PXK: variants seen among roughly 807,000 people sequenced by gnomAD.
PXK encodes the protein PX domain containing serine/threonine kinase like.
PXK carries 35 observed loss-of-function variants against 84.7 expected under a neutral mutation model. The ratio of observed to expected loss-of-function variants is 0.41; its 90% confidence interval spans 0.32 to 0.55. The LOEUF is 0.55. Ranked by LOEUF, PXK falls within the 20% of genes least tolerant of loss-of-function variation. The pLI is 0.21. For synonymous variants in PXK, 253 were observed against 260.8 expected (o/e 0.97, Z 0.29); for missense variants, 634 against 699.7 (o/e 0.91, Z 1.06).
rs1316772009 is a variant in PXK at position 58,424,988 on chromosome 3, A to G, written c.*28A>G. 5.6e-6 allele frequency: 9 copies of G among 1,612,196 alleles called. No individual in the cohort carries two copies. The African/African-American group carries it at 9.4e-5, about 17-fold the overall frequency. ...CTTCCTGTTTACACTTGGAGGGAAA[A>G]GTTCTTTTTTATTCCTACTCACCCC... On this transcript the variant is annotated 3_prime_UTR_variant, in exon 18 of 18. Coordinates refer to ENST00000356151, the MANE Select transcript of PXK (RefSeq NM_017771.5).
intron 7 of PXK, among the ~76,000 whole-genome samples, chr3:58,393,958 T>C (rs2098656519): frequency 6.6e-6 from 1 of 152,202 alleles, no homozygotes; most frequent in African/African-American, 2.4e-5. Context: ...GTGATGAAAA[T>C]GTTCTATAAT....
At chr3:58,403,152 G>A (rs956975459) in intron 12 of PXK, among the ~76,000 whole-genome samples, 3 of 151,976 alleles carry the variant, frequency 2.0e-5, no homozygotes, top group East Asian at 1.9e-4. Flanking sequence ...CAATAGGCAC[G>A]CACCACCACA....
Position 58,368,382 on chromosome 3 carries a change from GA to G in PXK, c.154-1048del, listed in dbSNP as rs202192113. Among the ~76,000 whole-genome samples, 433 of 152,264 alleles carry G rather than the reference GA, an allele frequency of 2.8e-3. 1 individual carries two copies. Among genetic ancestry groups the G allele is most frequent in the African/African-American group, 0.01 (420 of 41,570 alleles). ...CTGTTGCCCGGGCTGGAATGCAGTG[GA>G]GCGATCTCTGCTCACTGCAATCTCT... On this transcript the variant is annotated intron_variant, in intron 2 of 17. Transcript: ENST00000356151.
In PXK at chr3:58,333,677, C is replaced by T; in HGVS notation, c.102+587C>T. ...AGTGGTGGGGGCGGCAGTCGGGGCG[C>T]TGTTAAGCAGGTGTATGAATGTGCT... is the stretch of plus-strand genomic sequence containing the variant. On this transcript the variant is annotated intron_variant, in intron 1 of 17. Transcript: ENST00000356151. The surrounding 1 kb of genome is among the most constrained non-coding windows in gnomAD (Gnocchi z 5.4). 1 of 456,376 alleles carries T rather than the reference C, an allele frequency of 2.2e-6. No individual in the cohort carries two copies. The highest frequency in any genetic ancestry group is 4.4e-6 in the Non-Finnish European group (1 of 226,844). The allele number at this position is 456,376 out of a possible 1,614,324, so 28.3% of individuals were successfully genotyped here.
chr3:58,418,378 A>T (rs957822033), intron 17 of PXK, among the ~76,000 whole-genome samples: 8 of 152,184 alleles, frequency 5.3e-5, no homozygotes, highest in African/African-American at 1.9e-4. Context: ...CCGAGGTCAC[A>T]CAAGTTAGGG....
rs781404327 is a variant in PXK at position 58,412,945 on chromosome 3, A to G, written c.1510A>G (p.Thr504Ala). 3 of 1,613,732 alleles carry G rather than the reference A, an allele frequency of 1.9e-6. No individual in the cohort carries two copies. Among genetic ancestry groups the G allele is most frequent in the African/African-American group, 2.7e-5 (2 of 74,800 alleles). Residue 504 changes from threonine to alanine, a missense_variant, in exon 17 of 18, where the codon ACT becomes GCT. This residue lies in a region of PXK where 273 missense variants were observed against 283.6 expected (regional missense o/e 0.96). Transcript: ENST00000356151. This position sits in a 1 kb window ranked among gnomAD's most constrained non-coding sequence, Gnocchi z 6.2. ...SSPLTSPSSP[T>A]PPSTSGISAL... ...ACCTCTCACGTCCCCGTCATCGCCA[A>G]CTCCACCCTCTACATCAGGTTAGTG...
Position 58,333,326 on chromosome 3 carries a change from G to A in PXK, c.102+236G>A. The A allele has an allele frequency of 3.3e-6, 1 of 299,786 alleles. No homozygotes were observed. Among genetic ancestry groups the A allele is most frequent in the Non-Finnish European group, 6.7e-6 (1 of 149,194 alleles). 18.6% of individuals were successfully genotyped at this position (299,786 alleles called of 1,614,324 possible). On this transcript the variant is annotated intron_variant, in intron 1 of 17. Transcript: ENST00000356151. The surrounding 1 kb of genome is among the most constrained non-coding windows in gnomAD (Gnocchi z 5.4). ...TGGGGACCGCAGCTCCCGGCGCCGCGGGGTGGAAGGAGCTCGGCGGCGACC... is the reference window on the plus strand; with the variant it reads ...TGGGGACCGCAGCTCCCGGCGCCGCAGGGTGGAAGGAGCTCGGCGGCGACC...
chr3:58,359,297 C>T (rs1173759163), intron 1 of PXK, among the ~76,000 whole-genome samples: 3 of 151,660 alleles, frequency 2.0e-5, no homozygotes, highest in Admixed American at 6.6e-5. Flanking sequence ...TTTGGGAGGG[C>T]GAGGTGGGCA....
intron 3 of PXK, among the ~76,000 whole-genome samples, chr3:58,378,263 T>C (rs1336955094): frequency 6.6e-6 from 1 of 152,064 alleles, no homozygotes; most frequent in East Asian, 1.9e-4. Flanking sequence ...CTGTCCTGCC[T>C]AAGAGGAAAG....
chr3:58,422,732 C>A, intron 17 of PXK: 1 of 985,408 alleles, frequency 1.0e-6, no homozygotes, highest in Non-Finnish European at 1.2e-6. Context: ...AGATGGCAGC[C>A]CCTACCCCTC....
intron 17 of PXK, among the ~76,000 whole-genome samples, chr3:58,415,811 C>T (rs763922145): frequency 6.6e-6 from 1 of 152,128 alleles, no homozygotes; most frequent in African/African-American, 2.4e-5. Flanking sequence ...GGATTTTTAA[C>T]GGTGGGGTAA....
chr3:58,412,841 G>A lies in PXK; in HGVS notation c.1466-60G>A. 3 of 1,572,220 alleles carry A rather than the reference G, an allele frequency of 1.9e-6. No individual in the cohort carries two copies. The highest frequency in any genetic ancestry group is 1.7e-5 in the Admixed American group (1 of 59,948). On this transcript the variant is annotated intron_variant, in intron 16 of 17. Transcript: ENST00000356151. The surrounding 1 kb of genome is among the most constrained non-coding windows in gnomAD (Gnocchi z 6.2). ...TCAGACAGCAGTGGGTCCCAGCCTG[G>A]GCCAAATTCCAAATGTCTTTCGTTG...
chr3:58,346,262 G>A (rs1317668001), intron 1 of PXK, among the ~76,000 whole-genome samples: 2 of 152,168 alleles, frequency 1.3e-5, no homozygotes, highest in African/African-American at 2.4e-5. Flanking sequence ...CATAAAAGTG[G>A]CATTTTAGGA....
At position 58,333,258 on chromosome 3, in the gene PXK, C is replaced by T. The variant is rs1426494076; in HGVS notation, c.102+168C>T. 5 of 293,052 alleles carry T rather than the reference C, an allele frequency of 1.7e-5. No homozygotes were observed. Among genetic ancestry groups the T allele is most frequent in the East Asian group, 2.7e-4 (2 of 7,444 alleles). 18.2% of individuals were successfully genotyped at this position (293,052 alleles called of 1,614,324 possible). ...CGCGCCGCTGGGTCTGGGTCAGGGCCCCTGGGGCCCAGGCGAACGCTGAGG... is the reference window on the plus strand; with the variant it reads ...CGCGCCGCTGGGTCTGGGTCAGGGCTCCTGGGGCCCAGGCGAACGCTGAGG... On this transcript the variant is annotated intron_variant, in intron 1 of 17. Transcript: ENST00000356151. This position sits in a 1 kb window ranked among gnomAD's most constrained non-coding sequence, Gnocchi z 5.4.
chr3:58,423,372 GTATT>G (rs1323106094), intron 17 of PXK: 3 of 1,489,430 alleles, frequency 2.0e-6, no homozygotes, highest in South Asian at 1.2e-5. Flanking sequence ...TCATTTGTCT[GTATT>G]TAGTCTTTAT....
Position 58,390,133 on chromosome 3 carries a change from G to C in PXK, c.389-449G>C, listed in dbSNP as rs1343814134. On this transcript the variant is annotated intron_variant, in intron 4 of 17. Coordinates refer to ENST00000356151, the MANE Select transcript of PXK (RefSeq NM_017771.5). The surrounding 1 kb of genome is among the most constrained non-coding windows in gnomAD (Gnocchi z 4.2). The stretch of plus-strand genomic sequence containing the variant: ...GTTGAGTTTGCAGTGAGCCATGATT[G>C]TGCCACTGAGTTCCAGCCTGGGCAA... Among the ~76,000 whole-genome samples, 3 of 151,108 alleles carry C rather than the reference G, an allele frequency of 2.0e-5. No individual in the cohort carries two copies. Among genetic ancestry groups the C allele is most frequent in the Non-Finnish European group, 4.4e-5 (3 of 67,852 alleles).
intron 1 of PXK, among the ~76,000 whole-genome samples, chr3:58,346,412 A>G (rs1449050600): frequency 6.6e-6 from 1 of 152,090 alleles, no homozygotes; most frequent in African/African-American, 2.4e-5. Flanking sequence ...GGAACACAAT[A>G]GAGGAAAAGT....
chr3:58,366,868 C>A (rs1461870887), intron 2 of PXK, among the ~76,000 whole-genome samples: 5 of 152,214 alleles, frequency 3.3e-5, no homozygotes. Context: ...AGATCATTGG[C>A]AGAGTAGAGT....
chr3:58,359,529 C>CA (rs1166326356), intron 1 of PXK, among the ~76,000 whole-genome samples: 2,216 of 76,706 alleles, frequency 0.029, 58 homozygotes, highest in African/African-American at 0.092. Flanking sequence ...GACTCTGTCT[C>CA]AAAAAAAAAA....
Sources: allele counts gnomAD v4.1 joint callset (sites outside exome capture counted in the v4.1 genomes callset), GRCh38; gene constraint gnomAD v4.1.1; regional missense constraint gnomAD v4.1.1; non-coding constraint Gnocchi (gnomAD v3.1); transcripts MANE v1.5; gene names NCBI Gene and HGNC (gene_info 2026-07-23, HGNC 2026-07-21).